The following DAAM1 variants were observed in gnomAD, a reference collection of about 807,000 sequenced individuals.
DAAM1 encodes dishevelled associated activator of morphogenesis 1.
A neutral mutation model predicts 130.0 loss-of-function variants in DAAM1; 52 were observed. The ratio of observed to expected loss-of-function variants is 0.40; its 90% confidence interval spans 0.32 to 0.50. The LOEUF (loss-of-function observed/expected upper bound fraction) is 0.50. Among genes scored for constraint, DAAM1 ranks in the 20% least tolerant of loss-of-function variants. The pLI is 0.61. For synonymous variants in DAAM1, 452 were observed against 444.5 expected (o/e 1.02, Z -0.21); for missense variants, 1,134 against 1,303.8 (o/e 0.87, Z 2.01).
chr14:59,226,346 G>A (rs1888943162), intron 1 of DAAM1, among the ~76,000 whole-genome samples: 1 of 152,062 alleles, frequency 6.6e-6, no homozygotes, highest in Admixed American at 6.6e-5. Flanking sequence ...TATTTTGGTT[G>A]CAAGCAAGAG....
chr14:59,351,118 C>T (rs1378958296), intron 17 of DAAM1, among the ~76,000 whole-genome samples: 1 of 152,076 alleles, frequency 6.6e-6, no homozygotes, highest in Non-Finnish European at 1.5e-5. Flanking sequence ...ATGTTGTTGC[C>T]TAAGCCAGAA....
chr14:59,339,949 C>A (rs1403054133), intron 15 of DAAM1, 125 bp from the exon 16 acceptor site: 9 of 624,260 alleles, frequency 1.4e-5, no homozygotes, highest in Non-Finnish European at 2.1e-5. Context: ...CCCACCATTT[C>A]AGCCTTGCCC....
At chr14:59,283,922 T>A (rs899874413) in intron 2 of DAAM1, among the ~76,000 whole-genome samples, 4 of 152,182 alleles carry the variant, frequency 2.6e-5, no homozygotes, top group African/African-American at 9.6e-5. Flanking sequence ...TTTTTTGAAC[T>A]GGGAGCTCAA....
intron 3 of DAAM1, among the ~76,000 whole-genome samples, chr14:59,308,055 T>C (rs901395501): frequency 6.6e-6 from 1 of 152,230 alleles, no homozygotes; most frequent in African/African-American, 2.4e-5. Flanking sequence ...GTCATAAATG[T>C]TATCTGTGAG....
At chr14:59,206,452 T>C (rs1888263847) in intron 1 of DAAM1, among the ~76,000 whole-genome samples, 2 of 152,120 alleles carry the variant, frequency 1.3e-5, no homozygotes, top group South Asian at 4.1e-4. Context: ...ATTTTTTGTA[T>C]TTTTAATAGA....
chr14:59,347,815 G>C (rs1886140884), intron 17 of DAAM1, among the ~76,000 whole-genome samples, 192 bp downstream of exon 17: 1 of 152,154 alleles, frequency 6.6e-6, no homozygotes. Context: ...CAAACTGATG[G>C]GTGAGAAAGA....
intron 1 of DAAM1, among the ~76,000 whole-genome samples, chr14:59,241,991 G>A (rs1245684532): frequency 6.6e-6 from 1 of 152,124 alleles, no homozygotes; most frequent in Non-Finnish European, 1.5e-5. Flanking sequence ...CAGGAACAAT[G>A]TGCTTCTAAA....
intron 1 of DAAM1, among the ~76,000 whole-genome samples, chr14:59,201,658 A>G (rs778704068): frequency 6.6e-6 from 1 of 152,106 alleles, no homozygotes; most frequent in Non-Finnish European, 1.5e-5. Context: ...GTAGCTGAGC[A>G]TAGTGGTACA....
chr14:59,216,210 A>C (rs957407156), intron 1 of DAAM1, among the ~76,000 whole-genome samples: 1 of 152,154 alleles, frequency 6.6e-6, no homozygotes, highest in Non-Finnish European at 1.5e-5. Context: ...AGGACCCTGC[A>C]TTCTGACCTC....
intron 3 of DAAM1, among the ~76,000 whole-genome samples, chr14:59,306,474 G>T (rs190149941): frequency 8.7e-4 from 132 of 152,252 alleles, no homozygotes; most frequent in Middle Eastern, 3.4e-3. Context: ...CCCTTGAGAA[G>T]CCTTATGTTT....
intron 3 of DAAM1, among the ~76,000 whole-genome samples, chr14:59,294,128 G>A (rs1883859085): frequency 1.3e-5 from 2 of 152,188 alleles, no homozygotes; most frequent in South Asian, 4.1e-4. Flanking sequence ...AGGGGCCACT[G>A]AAGCCAACCG....
intron 1 of DAAM1, among the ~76,000 whole-genome samples, chr14:59,244,401 C>T (rs939525731): frequency 2.6e-5 from 4 of 152,142 alleles, no homozygotes; most frequent in Admixed American, 6.5e-5. Flanking sequence ...ACACTCACTC[C>T]CATGCTGTTT....
chr14:59,214,630 A>G (rs1398024060), intron 1 of DAAM1, among the ~76,000 whole-genome samples: 1 of 152,242 alleles, frequency 6.6e-6, no homozygotes, highest in Non-Finnish European at 1.5e-5. Context: ...GACGTCTCTC[A>G]TCTAGTTTAA....
chr14:59,207,996 C>T (rs564305925), intron 1 of DAAM1, among the ~76,000 whole-genome samples: 2 of 152,172 alleles, frequency 1.3e-5, no homozygotes, highest in South Asian at 4.1e-4. Flanking sequence ...GGGAAAAAAA[C>T]ACAGAAAAGT....
chr14:59,279,573 T>C (rs1883121537), intron 2 of DAAM1, among the ~76,000 whole-genome samples: 3 of 152,182 alleles, frequency 2.0e-5, no homozygotes, highest in Non-Finnish European at 4.4e-5. Context: ...CTGTGTGTTA[T>C]CCAGAAGTAG....
At chr14:59,305,299 A>C (rs1450979806) in intron 3 of DAAM1, among the ~76,000 whole-genome samples, 1 of 152,220 alleles carries the variant, frequency 6.6e-6, no homozygotes, top group South Asian at 2.1e-4. Context: ...GCCTGCCTGC[A>C]GGGGAATGTG....
At chr14:59,302,308 T>C (rs1202712168) in intron 3 of DAAM1, among the ~76,000 whole-genome samples, 1 of 152,148 alleles carries the variant, frequency 6.6e-6, no homozygotes, top group Non-Finnish European at 1.5e-5. Context: ...TCACTTGTAA[T>C]CCAACAATAA....
At chr14:59,231,009 A>G (rs78134898) in intron 1 of DAAM1, among the ~76,000 whole-genome samples, 208 of 152,326 alleles carry the variant, frequency 1.4e-3, no homozygotes, top group African/African-American at 4.9e-3. Flanking sequence ...GCTGCTTAAA[A>G]TTATGTAGAC....
intron 2 of DAAM1, among the ~76,000 whole-genome samples, chr14:59,290,770 G>T (rs563685733): frequency 6.6e-6 from 1 of 152,252 alleles, no homozygotes; most frequent in South Asian, 2.1e-4. Flanking sequence ...GCCTTTGTCT[G>T]TTTCTCCCCT....
Sources: allele counts gnomAD v4.1 joint callset (sites outside exome capture counted in the v4.1 genomes callset), GRCh38; gene constraint gnomAD v4.1.1; transcripts MANE v1.5; gene names NCBI Gene and HGNC (gene_info 2026-07-23, HGNC 2026-07-21).